Variants in INPP5A observed in about 807,000 individuals in gnomAD.
The protein encoded by INPP5A is 43 kDa inositol polyphosphate 5-phophatase.
A neutral mutation model predicts 65.2 loss-of-function variants in INPP5A; 14 were observed. The observed-to-expected ratio is 0.21, with a 90% CI of 0.14 to 0.34. The LOEUF (loss-of-function observed/expected upper bound fraction) is 0.34, where lower values mean the gene tolerates loss of function less well. Ranked by LOEUF, INPP5A falls within the 10% of genes least tolerant of loss-of-function variation. The probability of loss-of-function intolerance (pLI) is 1.00; values close to 1 mark genes in which losing one functional copy is unlikely to be tolerated. For synonymous variants in INPP5A, 207 were observed against 208.3 expected, an observed-to-expected ratio of 0.99 and a Z score of 0.05; for missense variants, 431 against 545.6, an observed-to-expected ratio of 0.79 and a Z score of 2.09.
chr10:132,755,283 G>A (rs1275911650), intron 11 of INPP5A, among the ~76,000 whole-genome samples: 3 of 151,430 alleles, frequency 2.0e-5, no homozygotes, highest in Middle Eastern at 3.5e-3. Flanking sequence ...GCCTTCATGA[G>A]CGTGTGTGTG....
chr10:132,703,489 C>T (rs1417741159), intron 6 of INPP5A, among the ~76,000 whole-genome samples: 1 of 145,434 alleles, frequency 6.9e-6, no homozygotes, highest in Admixed American at 6.9e-5. Flanking sequence ...CTTCACCCCC[C>T]ACACAGTGTC....
At chr10:132,596,943 G>GCATGTGTGCGCACATGTGTA (rs1490000676) in intron 1 of INPP5A, among the ~76,000 whole-genome samples, 2 of 30,722 alleles carry the variant, frequency 6.5e-5, no homozygotes, top group Admixed American at 4.5e-4. Context: ...ACGCATGTGT[G>GCATGTGTGCGCACATGTGTA]CGTGTGTGCA....
intron 1 of INPP5A, among the ~76,000 whole-genome samples, chr10:132,571,315 C>T (rs896072058): frequency 6.6e-6 from 1 of 152,246 alleles, no homozygotes; most frequent in Non-Finnish European, 1.5e-5. Context: ...ACACACCCAT[C>T]CCTCATCACA....
chr10:132,725,026 A>C (rs566004079), intron 8 of INPP5A, among the ~76,000 whole-genome samples: 2 of 151,884 alleles, frequency 1.3e-5, no homozygotes, highest in South Asian at 4.2e-4. Context: ...GGGGGGCCCC[A>C]GGCCAGCAGG....
At chr10:132,647,595 C>A (rs984238531) in intron 3 of INPP5A, among the ~76,000 whole-genome samples, 1 of 152,200 alleles carries the variant, frequency 6.6e-6, no homozygotes, top group Admixed American at 6.5e-5. Flanking sequence ...AGCAGTGGGG[C>A]AGGTGGCATG....
Position 132,723,843 on chromosome 10 carries a change from C to G in INPP5A, c.648-2978C>G, listed in dbSNP as rs541946838. 8.5e-5 allele frequency among the ~76,000 whole-genome samples: 13 copies of G among 152,310 alleles called. No individual in the cohort carries two copies. The East Asian group carries it at 2.5e-3, about 29-fold the overall frequency. The stretch of plus-strand genomic sequence containing the variant: ...TCCTGGGGTCTCGGAGCACAGGGCC[C>G]TCTGTCTTCCTCCATGCACCCTCCG... On this transcript the variant is annotated intron_variant, in intron 8 of 15. Coordinates refer to ENST00000368594, the MANE Select transcript of INPP5A (RefSeq NM_005539.5).
At chr10:132,602,817 A>C (rs887838989) in intron 1 of INPP5A, among the ~76,000 whole-genome samples, 34 of 152,172 alleles carry the variant, frequency 2.2e-4, no homozygotes, top group African/African-American at 7.5e-4. Context: ...GCTTTCTGTC[A>C]TCCACTATTG....
At chr10:132,750,115 G>C (rs527591673) in intron 11 of INPP5A, among the ~76,000 whole-genome samples, 1 of 152,266 alleles carries the variant, frequency 6.6e-6, no homozygotes. Context: ...CCCCGTGTGC[G>C]AGGGGAGACG....
chr10:132,635,559 C>G (rs11146445), intron 2 of INPP5A, among the ~76,000 whole-genome samples: 2 of 151,656 alleles, frequency 1.3e-5, no homozygotes, highest in African/African-American at 4.8e-5. Context: ...CCATGCCCGG[C>G]TAATTTTTTG....
chr10:132,721,381 C>T (rs1278671168), intron 8 of INPP5A, among the ~76,000 whole-genome samples: 1 of 134,822 alleles, frequency 7.4e-6, no homozygotes, highest in African/African-American at 2.9e-5. Context: ...CAGCTGTCTT[C>T]AGGGTTCTGT....
rs1590818824 is a variant in INPP5A, at chr10:132,546,536, C to T, written c.75+8365C>T. Among the ~76,000 whole-genome samples the T allele has an allele frequency of 6.6e-6, 1 of 152,088 alleles. No individual in the cohort carries two copies. Among genetic ancestry groups the T allele is most frequent in the East Asian group, 1.9e-4 (1 of 5,182 alleles). ...CCAGCTGGTTGCTGTGTCGGGGGGC[C>T]GTGCTCCCCCTTCTCTCTTGGAAGG... On this transcript the variant is annotated intron_variant, in intron 1 of 15. Transcript: ENST00000368594. The surrounding 1 kb of genome is among the most constrained non-coding windows in gnomAD (Gnocchi z 5.7).
chr10:132,607,604 G>A (rs2071874809), intron 1 of INPP5A, among the ~76,000 whole-genome samples: 1 of 152,260 alleles, frequency 6.6e-6, no homozygotes, highest in Admixed American at 6.5e-5. Flanking sequence ...GGAGGCTGGA[G>A]GCTGGAGCAA....
intron 1 of INPP5A, among the ~76,000 whole-genome samples, chr10:132,606,384 C>T (rs575273399): frequency 6.4e-4 from 98 of 152,176 alleles, no homozygotes; most frequent in Admixed American, 1.7e-3. Context: ...CCTGCTGGGG[C>T]GGTTGCGTGC....
intron 8 of INPP5A, among the ~76,000 whole-genome samples, chr10:132,717,795 A>C (rs1845769284): frequency 7.5e-6 from 1 of 132,568 alleles, no homozygotes; most frequent in Admixed American, 7.7e-5. Flanking sequence ...GACTGTCTTC[A>C]GGGTTCTGTG....
At chr10:132,642,550 G>A (rs1250852681) in intron 2 of INPP5A, among the ~76,000 whole-genome samples, 1 of 152,192 alleles carries the variant, frequency 6.6e-6, no homozygotes, top group Non-Finnish European at 1.5e-5. Context: ...TTCTTGTGAT[G>A]GCGTTTGCCT....
intron 9 of INPP5A, among the ~76,000 whole-genome samples, chr10:132,734,077 G>A (rs901654936): frequency 6.6e-6 from 1 of 152,242 alleles, no homozygotes; most frequent in Non-Finnish European, 1.5e-5. Context: ...CCGGGGCTGC[G>A]CAGGTACCTC....
rs771248950 is a variant in INPP5A at position 132,549,827 on chromosome 10, C to T, written c.75+11656C>T. On this transcript the variant is annotated intron_variant, in intron 1 of 15. Transcript: ENST00000368594. This position sits in a 1 kb window ranked among gnomAD's most constrained non-coding sequence, Gnocchi z 4.9. The stretch of plus-strand genomic sequence containing the variant: ...TGTCTCTGTTACAGGATTGGTGTGA[C>T]GTCTGAGTCACTGTGCCTTAGAGTA... 3.3e-5 allele frequency among the ~76,000 whole-genome samples: 5 copies of T among 152,228 alleles called. No homozygotes were observed. The highest frequency in any genetic ancestry group is 1.3e-4 in the Admixed American group (2 of 15,290).
intron 9 of INPP5A, among the ~76,000 whole-genome samples, chr10:132,746,042 G>A (rs1846366538): frequency 6.6e-6 from 1 of 152,230 alleles, no homozygotes; most frequent in Non-Finnish European, 1.5e-5. Flanking sequence ...CTGGGGTAGG[G>A]CCTCGGCGTT....
chr10:132,629,120 C>T (rs2072231762), intron 2 of INPP5A, among the ~76,000 whole-genome samples: 1 of 152,188 alleles, frequency 6.6e-6, no homozygotes, highest in Non-Finnish European at 1.5e-5. Flanking sequence ...CATTCTTGGC[C>T]TCTGGGTGCC....
Sources: gnomAD v4.1 joint callset for allele counts (sites outside exome capture counted in the v4.1 genomes callset) on GRCh38, gnomAD v4.1.1 for gene constraint, Gnocchi (gnomAD v3.1) non-coding constraint, MANE v1.5 for transcripts, NCBI Gene and HGNC (gene_info 2026-07-23, HGNC 2026-07-21) for gene names.